UNKL: variants seen among roughly 807,000 people sequenced by gnomAD.
UNKL encodes putative E3 ubiquitin-protein ligase UNKL.
UNKL carries 60 observed loss-of-function variants against 78.0 expected under a neutral mutation model. The observed-to-expected ratio is 0.77, with a 90% confidence interval of 0.63 to 0.95. The LOEUF (loss-of-function observed/expected upper bound fraction) is 0.95, where lower values mean the gene tolerates loss of function less well. UNKL is among the 40% of genes least tolerant of loss of function. The pLI is 0.00. For missense variants in UNKL, 1,159 were observed against 1,045.7 expected, an observed-to-expected ratio of 1.11 and a Z score of -1.49; for synonymous variants, 608 against 474.8, an observed-to-expected ratio of 1.28 and a Z score of -3.65.
chr16:1,381,305 G>C (rs1335199252), intron 10 of UNKL, among the ~76,000 whole-genome samples: 3 of 152,204 alleles, frequency 2.0e-5, no homozygotes, highest in Non-Finnish European at 1.5e-5. Context: ...TAAAAAGAAT[G>C]TGTGCTTATT....
At chr16:1,371,354 G>A (rs1015142908) in intron 11 of UNKL, among the ~76,000 whole-genome samples, 165 bp downstream of exon 11, 11 of 152,190 alleles carry the variant, frequency 7.2e-5, no homozygotes, top group African/African-American at 2.4e-4. Context: ...CTCCCGCTCC[G>A]AAAACCAGAC....
intron 11 of UNKL, among the ~76,000 whole-genome samples, chr16:1,370,817 C>T (rs2035755181): frequency 6.6e-6 from 1 of 152,250 alleles, no homozygotes. Flanking sequence ...GGCGCACTGG[C>T]TCACGCCTGT....
intron 14 of UNKL, 137 bp downstream of exon 14, chr16:1,366,955 T>A: frequency 7.1e-7 from 1 of 1,410,448 alleles, no homozygotes; most frequent in Admixed American, 3.0e-5. Flanking sequence ...TGGGGCACCG[T>A]CTCCTCCTCC....
At chr16:1,393,759 G>A (rs544930347) in intron 7 of UNKL, among the ~76,000 whole-genome samples, 4 of 152,302 alleles carry the variant, frequency 2.6e-5, no homozygotes, top group Admixed American at 2.6e-4. Context: ...GGCAGTCTCG[G>A]AGCAAGGCCC....
At chr16:1,401,336 C>T (rs1374603636) in intron 4 of UNKL, 1 of 438,048 alleles carries the variant, frequency 2.3e-6, no homozygotes, top group Non-Finnish European at 3.8e-6. Flanking sequence ...ACTGAGATGC[C>T]AGTTGCCGCA....
At position 1,367,635 on chromosome 16, in the gene UNKL, CT is replaced by C. The variant is rs1555453650; in HGVS notation, c.1788+20del. 9.1e-7 allele frequency: 1 copy of C among 1,104,714 alleles called. No homozygotes were observed. The highest frequency in any genetic ancestry group is 1.3e-6 in the Non-Finnish European group (1 of 744,704). 68.4% of individuals were successfully genotyped at this position (1,104,714 alleles called of 1,614,324 possible). On this transcript the variant is annotated intron_variant, in intron 13 of 14. Transcript: ENST00000389221. Reference sequence around the variant, plus strand: ...GCGGCCCTCCCTCCCCCTCACCTGTCTGGCCCCCCCACACACTCACCTGCTT... The same window carrying C: ...GCGGCCCTCCCTCCCCCTCACCTGTCGGCCCCCCCACACACTCACCTGCTT...
rs1475677304 is a variant in UNKL at position 1,394,134 on chromosome 16, C to G, written c.934G>C (p.Glu312Gln). Residue 312 changes from glutamate (E) to glutamine (Q), a missense_variant, in exon 7 of 15, where the codon GAG (glutamate) becomes CAG (glutamine). Coordinates refer to ENST00000389221, the MANE Select transcript of UNKL (RefSeq NM_001372107.1). Reference protein sequence around the residue: ...RGPFCAFAHVEKSLGMVNEWG... With the variant: ...RGPFCAFAHVQKSLGMVNEWG... ...TGCCACAGGGACGGTTACTCACTCT[C>G]AACGTGTGCAAAGGCACAGAAGGGG... 1 of 1,550,582 alleles carries G rather than the reference C, an allele frequency of 6.4e-7. No individual in the cohort carries two copies. Among genetic ancestry groups the G allele is most frequent in the African/African-American group, 1.4e-5 (1 of 73,178 alleles).
intron 4 of UNKL, 80 bp downstream of exon 4, chr16:1,401,488 A>G: frequency 7.2e-7 from 1 of 1,383,604 alleles, no homozygotes; most frequent in Non-Finnish European, 9.5e-7. Context: ...TGAAAGGCAC[A>G]GGGAACCAAG....
Position 1,367,944 on chromosome 16 carries a change from C to T in UNKL, c.1586-86G>A, listed in dbSNP as rs369392942. ...GTGGGTGCTATGCCCCAGGCCCCAC[C>T]GCTACGTGGGCACCCTCTGGGGCTC... is the stretch of plus-strand genomic sequence containing the variant. On this transcript the variant is annotated intron_variant, in intron 12 of 14. Coordinates refer to ENST00000389221, the MANE Select transcript of UNKL (RefSeq NM_001372107.1). The T allele has an allele frequency of 6.5e-4, 823 of 1,273,966 alleles. 8 individuals carry two copies. The African/African-American group carries it at 0.01, about 16-fold the overall frequency. 78.9% of individuals were successfully genotyped at this position (1,273,966 alleles called of 1,614,324 possible). A position where few individuals can be genotyped will look rare whatever the true frequency, so the allele number is the denominator to read the frequency against.
At chr16:1,388,281 C>A (rs926119361) in intron 9 of UNKL, among the ~76,000 whole-genome samples, 3 of 152,186 alleles carry the variant, frequency 2.0e-5, no homozygotes, top group Non-Finnish European at 2.9e-5. Flanking sequence ...CAAAGCAGCA[C>A]TGATCTGAGG....
intron 12 of UNKL, among the ~76,000 whole-genome samples, chr16:1,368,480 T>A (rs891529490): frequency 6.6e-6 from 1 of 151,736 alleles, no homozygotes. Context: ...CGGGCGCCTG[T>A]AGTCCCAGCT....
At chr16:1,413,243 CAA>C (rs546295462) in intron 2 of UNKL, among the ~76,000 whole-genome samples, 14 of 71,654 alleles carry the variant, frequency 2.0e-4, no homozygotes, top group African/African-American at 6.1e-4. Context: ...GACCCTGTCT[CAA>C]AAAAAAAAAA....
chr16:1,369,081 T>A (rs1412940313), intron 12 of UNKL, among the ~76,000 whole-genome samples: 2 of 141,690 alleles, frequency 1.4e-5, no homozygotes, highest in Non-Finnish European at 3.0e-5. Flanking sequence ...TTTTTTTTTT[T>A]TTGAAATGGA....
Position 1,403,083 on chromosome 16 carries a change from G to T in UNKL, c.464+85C>A. 6.9e-7 allele frequency: 1 copy of T among 1,448,082 alleles called. No individual in the cohort carries two copies. The highest frequency in any genetic ancestry group is 2.3e-5 in the Admixed American group (1 of 44,206). The allele number at this position is 1,448,082 out of a possible 1,614,324, so 89.7% of individuals were successfully genotyped here. Reference sequence around the variant, plus strand: ...CAGCAGAGCCTGCAGCAGCAGGGAGGCGAGCCACTTGCCGAGTTCCTGCTC... The same window carrying T: ...CAGCAGAGCCTGCAGCAGCAGGGAGTCGAGCCACTTGCCGAGTTCCTGCTC... On this transcript the variant is annotated intron_variant, in intron 3 of 14. Transcript: ENST00000389221. This position sits in a 1 kb window ranked among gnomAD's most constrained non-coding sequence, Gnocchi z 4.8.
intron 6 of UNKL, 65 bp downstream of exon 6, chr16:1,397,113 T>C (rs2142168131): frequency 6.7e-7 from 1 of 1,496,260 alleles, no homozygotes; most frequent in East Asian, 2.5e-5. Flanking sequence ...AACCACGCTG[T>C]GAACCCCACA....
intron 8 of UNKL, 110 bp from the exon 9 acceptor site, chr16:1,390,804 C>A (rs1490798228): frequency 2.5e-6 from 3 of 1,183,826 alleles, no homozygotes; most frequent in Admixed American, 4.1e-5. Context: ...CTGAGGCGGG[C>A]GGATCATCTG....
rs201062475 is a variant in UNKL at position 1,366,232 on chromosome 16, C to T, written c.*8G>A. ...GTGCCCAGCAGGAGGTGGCTGTCCC[C>T]GCTGAGGTCACCACTGCAGGGGCTG... On this transcript the variant is annotated 3_prime_UTR_variant, in exon 15 of 15. Coordinates refer to ENST00000389221, the MANE Select transcript of UNKL (RefSeq NM_001372107.1). The T allele has an allele frequency of 1.1e-4, 161 of 1,533,248 alleles. 2 individuals carry two copies. Among genetic ancestry groups the T allele is most frequent in the South Asian group, 7.1e-4 (59 of 82,770 alleles). 95.0% of individuals were successfully genotyped at this position (1,533,248 alleles called of 1,614,324 possible).
At chr16:1,369,092 G>A (rs1596645595) in intron 12 of UNKL, among the ~76,000 whole-genome samples, 1 of 107,392 alleles carries the variant, frequency 9.3e-6, no homozygotes, top group African/African-American at 3.6e-5. Context: ...TTGAAATGGA[G>A]TCTAGCTCTA....
chr16:1,378,615 C>T (rs1482714854), intron 10 of UNKL, among the ~76,000 whole-genome samples: 1 of 152,214 alleles, frequency 6.6e-6, no homozygotes, highest in Non-Finnish European at 1.5e-5. Flanking sequence ...CGACAAACTA[C>T]GGCTCGCACT....
Sources: allele counts gnomAD v4.1 joint callset (sites outside exome capture counted in the v4.1 genomes callset), GRCh38; gene constraint gnomAD v4.1.1; non-coding constraint Gnocchi (gnomAD v3.1); transcripts MANE v1.5; gene names NCBI Gene and HGNC (gene_info 2026-07-23, HGNC 2026-07-21).